TRPM3: variants seen among roughly 807,000 people sequenced by gnomAD.
The protein encoded by TRPM3 is long transient receptor potential channel 3.
Under a neutral mutation model 181.2 loss-of-function variants are expected in TRPM3, and 77 were observed. That is an observed-to-expected ratio of 0.42 (90% CI 0.35 to 0.51). The LOEUF (loss-of-function observed/expected upper bound fraction) is 0.51. TRPM3 is among the 20% of genes least tolerant of loss of function. The probability of loss-of-function intolerance (pLI) is 0.01; values close to 1 mark genes in which losing one functional copy is unlikely to be tolerated. For synonymous variants in TRPM3, 745 were observed against 796.4 expected (o/e 0.94, Z 1.09); for missense variants, 1,759 against 2,196.7 (o/e 0.80, Z 3.98).
At chr9:71,252,359 G>A (rs2082398749) in intron 1 of TRPM3, among the ~76,000 whole-genome samples, 1 of 152,040 alleles carries the variant, frequency 6.6e-6, no homozygotes, top group East Asian at 1.9e-4. Flanking sequence ...GACATTCTGG[G>A]TTCTGTTCAT....
At chr9:71,055,075 G>A (rs1480566986) in intron 1 of TRPM3, among the ~76,000 whole-genome samples, 1 of 152,096 alleles carries the variant, frequency 6.6e-6, no homozygotes, top group African/African-American at 2.4e-5. Context: ...GTGAGGAAGT[G>A]AGGTATTATT....
intron 1 of TRPM3, among the ~76,000 whole-genome samples, chr9:71,008,024 TTTAG>T (rs2097698360): frequency 6.6e-6 from 1 of 151,870 alleles, no homozygotes; most frequent in African/African-American, 2.4e-5. Flanking sequence ...TGGACAAAAA[TTTAG>T]TTATACTAAG....
intron 1 of TRPM3, among the ~76,000 whole-genome samples, chr9:71,170,251 A>C (rs968493100): frequency 5.3e-5 from 8 of 152,158 alleles, no homozygotes; most frequent in African/African-American, 9.7e-5. Context: ...GAGAACACGA[A>C]GATGAAGGGA....
chr9:71,116,565 A>G (rs1489892734), intron 1 of TRPM3, among the ~76,000 whole-genome samples: 2 of 152,092 alleles, frequency 1.3e-5, no homozygotes, highest in African/African-American at 4.8e-5. Context: ...CATTATATGG[A>G]ATTATAGAAG....
At chr9:70,873,131 T>C (rs1032675140) in intron 1 of TRPM3, among the ~76,000 whole-genome samples, 1 of 151,988 alleles carries the variant, frequency 6.6e-6, no homozygotes, top group African/African-American at 2.4e-5. Flanking sequence ...AAAATCACGA[T>C]GATGTCACAA....
At chr9:71,018,512 A>C (rs1200745423) in intron 1 of TRPM3, among the ~76,000 whole-genome samples, 1 of 151,820 alleles carries the variant, frequency 6.6e-6, no homozygotes. Flanking sequence ...GCAGACATTA[A>C]AAATAGATTT....
intron 1 of TRPM3, among the ~76,000 whole-genome samples, chr9:71,184,795 T>C (rs1565315300): frequency 6.6e-6 from 1 of 152,230 alleles, no homozygotes. Context: ...TGCCAACAGC[T>C]TTACATGCTC....
intron 1 of TRPM3, among the ~76,000 whole-genome samples, chr9:70,905,205 T>G (rs2096445130): frequency 6.6e-6 from 1 of 152,262 alleles, no homozygotes; most frequent in Non-Finnish European, 1.5e-5. Context: ...TCCTGCATGA[T>G]GTTGCTTTAA....
At chr9:71,389,239 C>T (rs2093000625) in intron 1 of TRPM3, among the ~76,000 whole-genome samples, 1 of 151,842 alleles carries the variant, frequency 6.6e-6, no homozygotes, top group African/African-American at 2.4e-5. Context: ...TGCACAATAT[C>T]ACTAATGATC....
At chr9:70,602,656 C>T (rs1263030459) in intron 20 of TRPM3, among the ~76,000 whole-genome samples, 2 of 152,156 alleles carry the variant, frequency 1.3e-5, no homozygotes, top group East Asian at 1.9e-4. Context: ...TGTGGATTTT[C>T]GCTTAATCAC....
intron 1 of TRPM3, among the ~76,000 whole-genome samples, chr9:70,968,822 A>C (rs2097210386): frequency 6.6e-6 from 1 of 152,164 alleles, no homozygotes; most frequent in East Asian, 1.9e-4. Flanking sequence ...CAGAAAGCTG[A>C]AACTGGACCC....
rs184278964 is a variant in TRPM3, at chr9:70,742,887, T to C, written c.1272+18714A>G. Among the ~76,000 whole-genome samples, 859 of 152,252 alleles carry C rather than the reference T, an allele frequency of 5.6e-3. 9 individuals are homozygous for C. Among genetic ancestry groups the C allele is most frequent in the African/African-American group, 0.02 (825 of 41,486 alleles). ...ATCAAGTTCCATTCCTGGGCTTCCCTGTATTGCTCAGTGGAACTATCATTC... is the reference window on the plus strand; with the variant it reads ...ATCAAGTTCCATTCCTGGGCTTCCCCGTATTGCTCAGTGGAACTATCATTC... On this transcript the variant is annotated intron_variant, in intron 8 of 25. Transcript: ENST00000677713.
chr9:70,698,630 C>G (rs533943357), intron 8 of TRPM3, among the ~76,000 whole-genome samples: 342 of 152,244 alleles, frequency 2.2e-3, no homozygotes, highest in African/African-American at 7.9e-3. Context: ...TCAGTGTCCC[C>G]ACCAAAATCT....
At chr9:70,632,327 T>C (rs1440831271) in intron 12 of TRPM3, among the ~76,000 whole-genome samples, 4 of 152,182 alleles carry the variant, frequency 2.6e-5, no homozygotes, top group Admixed American at 2.6e-4. Context: ...CTTATTCACT[T>C]CTTCCCCAAA....
At chr9:71,010,723 C>T (rs2097727405) in intron 1 of TRPM3, among the ~76,000 whole-genome samples, 1 of 151,960 alleles carries the variant, frequency 6.6e-6, no homozygotes, top group Admixed American at 6.6e-5. Flanking sequence ...ATGAGCGTTC[C>T]ACAAAAAATT....
chr9:70,923,610 G>GA (rs879847260), intron 1 of TRPM3, among the ~76,000 whole-genome samples: 5 of 151,956 alleles, frequency 3.3e-5, no homozygotes, highest in Non-Finnish European at 5.9e-5. Flanking sequence ...TCATGTGTCA[G>GA]AAAATCTTTG....
intron 1 of TRPM3, among the ~76,000 whole-genome samples, chr9:71,045,719 A>G (rs1002563169): frequency 6.6e-6 from 1 of 152,200 alleles, no homozygotes; most frequent in Non-Finnish European, 1.5e-5. Context: ...ATTTGTTTTC[A>G]AATTGTGAAG....
At chr9:71,359,634 C>T (rs1255235328) in intron 1 of TRPM3, among the ~76,000 whole-genome samples, 1 of 151,868 alleles carries the variant, frequency 6.6e-6, no homozygotes, top group South Asian at 2.1e-4. Context: ...TTATCTTTTC[C>T]CTGTCTTTTC....
At chr9:71,191,159 T>C (rs1306108576) in intron 1 of TRPM3, among the ~76,000 whole-genome samples, 2 of 151,822 alleles carry the variant, frequency 1.3e-5, no homozygotes, top group African/African-American at 4.8e-5. Flanking sequence ...AGAATTTGAA[T>C]ACTGATTCCA....
Sources: gnomAD v4.1 joint callset for allele counts (sites outside exome capture counted in the v4.1 genomes callset) on GRCh38, gnomAD v4.1.1 for gene constraint, MANE v1.5 for transcripts, NCBI Gene and HGNC (gene_info 2026-07-23, HGNC 2026-07-21) for gene names.